Variants in RANBP9 observed in about 807,000 individuals in gnomAD.
RANBP9 encodes RAN binding protein 9, also known as ran-binding protein 9.
RANBP9 carries 15 observed loss-of-function variants against 84.3 expected under a neutral mutation model. The observed-to-expected ratio is 0.18, with a 90% confidence interval of 0.12 to 0.27. The LOEUF is 0.27. Among genes scored for constraint, RANBP9 ranks in the 10% least tolerant of loss-of-function variants. The pLI is 1.00. For missense variants in RANBP9, 809 were observed against 912.8 expected (o/e 0.89, Z 1.46); for synonymous variants, 392 against 349.6 (o/e 1.12, Z -1.35).
chr6:13,648,141 G>GTT (rs375219477), intron 5 of RANBP9, among the ~76,000 whole-genome samples: 1,465 of 80,682 alleles, frequency 0.018, 203 homozygotes, highest in Non-Finnish European at 0.028. Flanking sequence ...TATATGACTG[G>GTT]TTTTTTTTTT....
At chr6:13,649,201 A>T (rs1386171570) in intron 5 of RANBP9, among the ~76,000 whole-genome samples, 2 of 152,188 alleles carry the variant, frequency 1.3e-5, no homozygotes, top group Non-Finnish European at 1.5e-5. Context: ...CAGAAGATTT[A>T]CAGTATTAAA....
chr6:13,696,945 A>AT (rs1562322506), intron 1 of RANBP9, 49 bp from the exon 2 acceptor site: 1 of 1,446,620 alleles, frequency 6.9e-7, no homozygotes, highest in Non-Finnish European at 9.6e-7. Flanking sequence ...ATATTCACTG[A>AT]AAGATGAAAA....
At chr6:13,643,470 C>A (rs180745498) in intron 6 of RANBP9, among the ~76,000 whole-genome samples, 3 of 151,966 alleles carry the variant, frequency 2.0e-5, no homozygotes, top group African/African-American at 7.3e-5. Flanking sequence ...AGGCAAAGAG[C>A]GGAGGGAGAA....
chr6:13,669,245 T>A (rs898607436), intron 2 of RANBP9, among the ~76,000 whole-genome samples: 1 of 151,972 alleles, frequency 6.6e-6, no homozygotes, highest in Non-Finnish European at 1.5e-5. Flanking sequence ...ATGGAAAGAC[T>A]CCCCATGCCA....
intron 10 of RANBP9, among the ~76,000 whole-genome samples, chr6:13,635,060 TG>T (rs1764902136): frequency 6.6e-6 from 1 of 152,238 alleles, no homozygotes. Context: ...AATAGCATTC[TG>T]GCATTTGTCC....
intron 2 of RANBP9, among the ~76,000 whole-genome samples, chr6:13,684,572 G>A (rs1482850891): frequency 6.6e-6 from 1 of 152,188 alleles, no homozygotes; most frequent in Non-Finnish European, 1.5e-5. Context: ...TTGTAAGTAT[G>A]TAAACCGCTG....
intron 5 of RANBP9, among the ~76,000 whole-genome samples, chr6:13,648,141 GTTTTTTTTT>G (rs375219477): frequency 2.5e-5 from 2 of 80,646 alleles, no homozygotes; most frequent in Non-Finnish European, 4.7e-5. Flanking sequence ...TATATGACTG[GTTTTTTTTT>G]TTTTTTTTTT....
intron 9 of RANBP9, among the ~76,000 whole-genome samples, chr6:13,638,253 C>G (rs1764986150): frequency 6.6e-6 from 1 of 152,070 alleles, no homozygotes; most frequent in South Asian, 2.1e-4. Context: ...CACTGAGGCT[C>G]AGAATTTATC....
At chr6:13,702,783 T>C (rs1758006406) in intron 1 of RANBP9, among the ~76,000 whole-genome samples, 1 of 152,080 alleles carries the variant, frequency 6.6e-6, no homozygotes, top group Non-Finnish European at 1.5e-5. Context: ...ATCTCTTCCT[T>C]CATCTATATT....
In RANBP9 at chr6:13,686,108, C is replaced by T. The variant is rs1015387182; in HGVS notation, c.683+10677G>A. Among the ~76,000 whole-genome samples the T allele has an allele frequency of 6.2e-3, 32 of 5,186 alleles. 2 individuals are homozygous for T. The highest frequency in any genetic ancestry group is 0.032 in the South Asian group (2 of 62). The allele number at this position is 5,186 out of a possible 152,430, so 3.4% of individuals were successfully genotyped here. A position where few individuals can be genotyped will look rare whatever the true frequency, so the allele number is the denominator to read the frequency against. ...GAATTTCCAAAATTTCTTCCCCCCC[C>T]CCCCCCCGCCCCCCGAAATAGAGTC... On this transcript the variant is annotated intron_variant, in intron 2 of 13. Transcript: ENST00000011619.
chr6:13,661,753 G>A (rs759824277), intron 2 of RANBP9, among the ~76,000 whole-genome samples: 1 of 152,074 alleles, frequency 6.6e-6, no homozygotes, highest in Non-Finnish European at 1.5e-5. Flanking sequence ...ACATACTGAG[G>A]AAGATAAAAA....
chr6:13,626,020 A>G (rs1310467723), intron 12 of RANBP9, among the ~76,000 whole-genome samples: 1 of 151,924 alleles, frequency 6.6e-6, no homozygotes, highest in African/African-American at 2.4e-5. Context: ...ACAAAACAGG[A>G]AAAAAAAATT....
chr6:13,636,285 C>T (rs1413105774), intron 10 of RANBP9, among the ~76,000 whole-genome samples: 1 of 152,190 alleles, frequency 6.6e-6, no homozygotes, highest in African/African-American at 2.4e-5. Context: ...TCTGATATCC[C>T]GCTCTACATC....
chr6:13,625,480 C>T (rs4712058), intron 13 of RANBP9, among the ~76,000 whole-genome samples, 173 bp downstream of exon 13: 148,607 of 152,330 alleles, frequency 0.98, 72,511 homozygotes, highest in East Asian at 1. Context: ...TTTAAATCCA[C>T]TTGAATCTGG....
At chr6:13,628,567 A>G (rs1224921068) in intron 12 of RANBP9, among the ~76,000 whole-genome samples, 3 of 152,246 alleles carry the variant, frequency 2.0e-5, no homozygotes, top group Admixed American at 1.3e-4. Flanking sequence ...CAAAAACACT[A>G]TAAAACATGG....
chr6:13,711,414 G>C lies in RANBP9; in HGVS notation c.92C>G (p.Ser31Cys). 8.4e-7 allele frequency: 1 copy of C among 1,188,966 alleles called. No homozygotes were observed. Among genetic ancestry groups the C allele is most frequent in the Non-Finnish European group, 1.0e-6 (1 of 960,516 alleles). The allele number at this position is 1,188,966 out of a possible 1,614,324, so 73.7% of individuals were successfully genotyped here. Residue 31 changes from serine to cysteine, a missense_variant, in exon 1 of 14, where the codon TCC (serine) becomes TGC (cysteine). By Grantham distance (112) the Ser-to-Cys change is moderately radical. This residue lies in a region of RANBP9 where 302 missense variants were observed against 240.1 expected (regional missense o/e 1.26). Transcript: ENST00000011619. ...CGGGGGCGCCGGCAGGACGACTCCG[G>C]AGACTGGGGCCAAGGCCGCCGGCGG... Reference protein sequence around the residue: ...PPPPAALAPVSGVVLPAPPAV... With the variant: ...PPPPAALAPVCGVVLPAPPAV...
chr6:13,662,469 C>G (rs752451771), intron 2 of RANBP9, among the ~76,000 whole-genome samples: 58 of 152,148 alleles, frequency 3.8e-4, no homozygotes, highest in Non-Finnish European at 6.9e-4. Context: ...GCGTGTGTCC[C>G]CCAAAATTCT....
chr6:13,648,143 T>TTTTTTTG (rs1765215392), intron 5 of RANBP9, among the ~76,000 whole-genome samples: 2 of 61,748 alleles, frequency 3.2e-5, no homozygotes, highest in Admixed American at 1.7e-4. Flanking sequence ...TATGACTGGT[T>TTTTTTTG]TTTTTTTTTT....
intron 2 of RANBP9, among the ~76,000 whole-genome samples, chr6:13,687,608 TA>T (rs1766220334): frequency 6.6e-6 from 1 of 152,194 alleles, no homozygotes; most frequent in Admixed American, 6.5e-5. Context: ...CAACTACCTT[TA>T]CGTGCTTACT....
Sources: gnomAD v4.1 joint callset for allele counts (sites outside exome capture counted in the v4.1 genomes callset) on GRCh38, gnomAD v4.1.1 for gene constraint, gnomAD v4.1.1 regional missense constraint, MANE v1.5 for transcripts, NCBI Gene and HGNC (gene_info 2026-07-23, HGNC 2026-07-21) for gene names.